MPDZ: variants seen among roughly 807,000 people sequenced by gnomAD.
The protein encoded by MPDZ is multiple PDZ domain crumbs cell polarity complex component, also known as multiple PDZ domain protein.
In MPDZ, 234 loss-of-function variants were observed where a neutral mutation model predicts 239.1. The ratio of observed to expected loss-of-function variants is 0.98; its 90% CI spans 0.88 to 1.09. The LOEUF (loss-of-function observed/expected upper bound fraction) is 1.09, where lower values mean the gene tolerates loss of function less well. MPDZ is among the 50% of genes least tolerant of loss of function. The pLI, the probability that MPDZ is intolerant of heterozygous loss-of-function variation, is 0.00. For missense variants in MPDZ, 3,175 were observed against 2,510.0 expected, an observed-to-expected ratio of 1.26 and a Z score of -5.66; for synonymous variants, 1,048 against 881.3, an observed-to-expected ratio of 1.19 and a Z score of -3.35.
At chr9:13,186,510 C>A in intron 17 of MPDZ, 124 bp from the exon 18 acceptor site, 1 of 644,622 alleles carries the variant, frequency 1.6e-6, no homozygotes. Flanking sequence ...GGAAAGTTTT[C>A]AAACGATATG....
At chr9:13,237,085 A>G (rs1377201167) in intron 3 of MPDZ, among the ~76,000 whole-genome samples, 1 of 152,106 alleles carries the variant, frequency 6.6e-6, no homozygotes, top group Non-Finnish European at 1.5e-5. Context: ...TGATACAGTA[A>G]AACTTGTTAA....
intron 3 of MPDZ, among the ~76,000 whole-genome samples, chr9:13,241,610 G>A (rs578041136): frequency 6.6e-6 from 1 of 152,106 alleles, no homozygotes; most frequent in East Asian, 1.9e-4. Context: ...AAGAAGAGAG[G>A]GAAACACAGG....
At chr9:13,139,413 G>A (rs1481549954) in intron 28 of MPDZ, among the ~76,000 whole-genome samples, 5 of 152,138 alleles carry the variant, frequency 3.3e-5, no homozygotes, top group African/African-American at 7.2e-5. Context: ...ACTGCTGGGC[G>A]CCAGGCACTG....
At chr9:13,221,308 A>C in intron 7 of MPDZ, 64 bp downstream of exon 7, 2 of 1,443,074 alleles carry the variant, frequency 1.4e-6, no homozygotes, top group Non-Finnish European at 1.8e-6. Context: ...CCAACAAAAA[A>C]ATGTAAAAGA....
Position 13,219,494 on chromosome 9 carries a change from A to G in MPDZ, c.1086+65T>C, listed in dbSNP as rs1293136564. The G allele has an allele frequency of 2.1e-6, 3 of 1,407,650 alleles. No individual in the cohort carries two copies. In the Admixed American group the frequency reaches 5.9e-5, roughly 28 times the overall value. The allele number at this position is 1,407,650 out of a possible 1,614,324, so 87.2% of individuals were successfully genotyped here. On this transcript the variant is annotated intron_variant, in intron 8 of 46. Coordinates refer to ENST00000319217, the MANE Select transcript of MPDZ (RefSeq NM_001378778.1). The stretch of plus-strand genomic sequence containing the variant: ...ATTAGTAAGTCTAGTTTCTAAGTAA[A>G]CATCACTGTCGTCATCTAAGTGTTA...
At chr9:13,185,493 T>C (rs890488993) in intron 18 of MPDZ, among the ~76,000 whole-genome samples, 2 of 152,074 alleles carry the variant, frequency 1.3e-5, no homozygotes, top group Non-Finnish European at 2.9e-5. Flanking sequence ...GTGCACAATG[T>C]TTGCCCCACA....
At chr9:13,109,882 G>A in intron 45 of MPDZ, 70 bp downstream of exon 45, 1 of 1,201,418 alleles carries the variant, frequency 8.3e-7, no homozygotes. Flanking sequence ...ATGGGACAGA[G>A]AACGCAACTG....
At chr9:13,125,188 A>C in intron 35 of MPDZ, 28 bp downstream of exon 35, 1 of 1,532,610 alleles carries the variant, frequency 6.5e-7, no homozygotes, top group Non-Finnish European at 8.8e-7. Flanking sequence ...CCATATGTGC[A>C]GGACTCTCAT....
At chr9:13,143,130 A>C (rs1379450135) in intron 27 of MPDZ, among the ~76,000 whole-genome samples, 1 of 152,160 alleles carries the variant, frequency 6.6e-6, no homozygotes, top group Non-Finnish European at 1.5e-5. Flanking sequence ...GTTTTAAAGA[A>C]ATTATGTGTG....
intron 3 of MPDZ, among the ~76,000 whole-genome samples, chr9:13,238,679 T>C (rs1001657461): frequency 6.6e-6 from 1 of 152,192 alleles, no homozygotes; most frequent in Non-Finnish European, 1.5e-5. Context: ...CAAATTTTGA[T>C]GCACTATCAA....
chr9:13,221,947 T>C (rs897999647), intron 6 of MPDZ, among the ~76,000 whole-genome samples: 3 of 152,078 alleles, frequency 2.0e-5, no homozygotes, highest in African/African-American at 7.2e-5. Flanking sequence ...AAAATCAAGC[T>C]TGTATCTGTC....
chr9:13,109,175 A>G (rs1371807722), intron 45 of MPDZ, 116 bp from the exon 46 acceptor site: 5 of 876,048 alleles, frequency 5.7e-6, no homozygotes, highest in Non-Finnish European at 6.0e-6. Flanking sequence ...GTTACTGACA[A>G]GGAGTATATT....
chr9:13,272,402 G>A (rs1973187119), intron 1 of MPDZ, among the ~76,000 whole-genome samples: 1 of 152,122 alleles, frequency 6.6e-6, no homozygotes, highest in Non-Finnish European at 1.5e-5. Flanking sequence ...ATATTCAATA[G>A]ATTAAATCAG....
intron 17 of MPDZ, among the ~76,000 whole-genome samples, chr9:13,187,828 T>G (rs892695949): frequency 6.6e-6 from 1 of 152,088 alleles, no homozygotes; most frequent in Non-Finnish European, 1.5e-5. Flanking sequence ...AATATTTAAC[T>G]GCAATACAAT....
rs540172964 is a variant in MPDZ, at chr9:13,115,070, A to G, written c.5466+178T>C. On this transcript the variant is annotated intron_variant, in intron 40 of 46. Transcript: ENST00000319217. ...GACTTACAAACTACTCAACAGCCACACCTTGTTTACCTGGCTATTCTGATT... is the reference window on the plus strand; with the variant it reads ...GACTTACAAACTACTCAACAGCCACGCCTTGTTTACCTGGCTATTCTGATT... 2.0e-4 allele frequency among the ~76,000 whole-genome samples: 30 copies of G among 152,290 alleles called. No homozygotes were observed. In the South Asian group the frequency reaches 5.8e-3, roughly 29 times the overall value.
chr9:13,176,744 T>A (rs1292447337), intron 19 of MPDZ, among the ~76,000 whole-genome samples: 1 of 152,246 alleles, frequency 6.6e-6, no homozygotes, highest in African/African-American at 2.4e-5. Flanking sequence ...TCAAATTACA[T>A]AGAAGAGCAA....
At chr9:13,115,884 G>A (rs927284963) in intron 39 of MPDZ, among the ~76,000 whole-genome samples, 1 of 147,522 alleles carries the variant, frequency 6.8e-6, no homozygotes, top group Non-Finnish European at 1.5e-5. Context: ...GGCGGAGCTT[G>A]CAGTGAGCCA....
At chr9:13,110,186 G>A (rs980250689) in intron 44 of MPDZ, 122 bp from the exon 45 acceptor site, 1 of 710,098 alleles carries the variant, frequency 1.4e-6, no homozygotes, top group Non-Finnish European at 2.3e-6. Context: ...AAACATTTCT[G>A]TTAACATAAA....
At chr9:13,205,170 A>T (rs965852363) in intron 11 of MPDZ, 63 bp from the exon 12 acceptor site, 1 of 876,716 alleles carries the variant, frequency 1.1e-6, no homozygotes, top group Non-Finnish European at 1.6e-6. Flanking sequence ...GAATTTTTCT[A>T]AACCCAGTAT....
Sources: gnomAD v4.1 joint callset for allele counts (sites outside exome capture counted in the v4.1 genomes callset) on GRCh38, gnomAD v4.1.1 for gene constraint, MANE v1.5 for transcripts, NCBI Gene and HGNC (gene_info 2026-07-23, HGNC 2026-07-21) for gene names.